Variants in DLG2 observed in about 807,000 individuals in gnomAD.
The protein encoded by DLG2 is disks large homolog 2.
DLG2 carries 45 observed loss-of-function variants against 132.5 expected under a neutral mutation model. The observed-to-expected ratio is 0.34, with a 90% confidence interval of 0.27 to 0.44. The LOEUF (loss-of-function observed/expected upper bound fraction) is 0.44. Among genes scored for constraint, DLG2 ranks in the 20% least tolerant of loss-of-function variants. DLG2 has a pLI of 1.00. For synonymous variants in DLG2, 424 were observed against 419.6 expected, an observed-to-expected ratio of 1.01 and a Z score of -0.13; for missense variants, 1,045 against 1,196.9, an observed-to-expected ratio of 0.87 and a Z score of 1.87.
chr11:83,924,121 A>G (rs1043521624), intron 15 of DLG2, among the ~76,000 whole-genome samples: 2 of 152,086 alleles, frequency 1.3e-5, no homozygotes, highest in African/African-American at 4.8e-5. Flanking sequence ...TGATAAGCTC[A>G]GTGTCTTCAT....
chr11:85,119,032 T>A (rs979781134), intron 5 of DLG2, among the ~76,000 whole-genome samples: 8 of 151,866 alleles, frequency 5.3e-5, no homozygotes, highest in African/African-American at 1.9e-4. Context: ...CTCCTCTGAG[T>A]CTATATTCTT....
chr11:85,398,548 GA>G (rs1184314298), intron 3 of DLG2, among the ~76,000 whole-genome samples: 4 of 151,860 alleles, frequency 2.6e-5, no homozygotes, highest in African/African-American at 9.7e-5. Flanking sequence ...TAATAAAGAA[GA>G]AAAGAGAAAA....
intron 17 of DLG2, among the ~76,000 whole-genome samples, chr11:83,804,579 G>GACATACACACACACACAC (rs2045409005): frequency 7.0e-6 from 1 of 142,030 alleles, no homozygotes; most frequent in Non-Finnish European, 1.5e-5. Context: ...CCTAGCAGAA[G>GACATACACACACACACAC]ACACACACAC....
chr11:85,447,063 G>A (rs996768228), intron 3 of DLG2, among the ~76,000 whole-genome samples: 1 of 151,990 alleles, frequency 6.6e-6, no homozygotes, highest in African/African-American at 2.4e-5. Context: ...ATCATAAATA[G>A]AACCATTATA....
chr11:85,065,396 C>T (rs2064758259), intron 6 of DLG2, among the ~76,000 whole-genome samples: 1 of 151,280 alleles, frequency 6.6e-6, no homozygotes, highest in Non-Finnish European at 1.5e-5. Context: ...CACTAGAAAC[C>T]CACAGGCATG....
chr11:83,993,460 C>A (rs2093838053), intron 11 of DLG2, among the ~76,000 whole-genome samples: 1 of 152,032 alleles, frequency 6.6e-6, no homozygotes, highest in South Asian at 2.1e-4. Context: ...CAGTCTCTTC[C>A]CTAAACGAAC....
chr11:83,636,515 C>A (rs2064888015), intron 18 of DLG2, among the ~76,000 whole-genome samples: 1 of 152,108 alleles, frequency 6.6e-6, no homozygotes, highest in African/African-American at 2.4e-5. Flanking sequence ...ACTAAATATT[C>A]TAATTCCAAG....
chr11:84,642,031 CACAT>C (rs762257107), intron 6 of DLG2, among the ~76,000 whole-genome samples: 10 of 142,222 alleles, frequency 7.0e-5, no homozygotes, highest in African/African-American at 1.4e-4. Flanking sequence ...CACACACACA[CACAT>C]GCATACGTAT....
intron 9 of DLG2, among the ~76,000 whole-genome samples, chr11:84,143,104 G>C (rs1225455126): frequency 6.6e-6 from 1 of 152,152 alleles, no homozygotes; most frequent in African/African-American, 2.4e-5. Context: ...TAGAATTTCA[G>C]TTTCAACGTT....
At chr11:85,212,615 T>C (rs115549483) in intron 4 of DLG2, among the ~76,000 whole-genome samples, 1 of 151,976 alleles carries the variant, frequency 6.6e-6, no homozygotes, top group African/African-American at 2.4e-5. Context: ...CCTACAAGAG[T>C]AACAAAAACT....
At chr11:84,510,456 G>C (rs2099254128) in intron 7 of DLG2, among the ~76,000 whole-genome samples, 1 of 152,030 alleles carries the variant, frequency 6.6e-6, no homozygotes, top group Non-Finnish European at 1.5e-5. Context: ...ACACTAAATA[G>C]ATATAAGAAC....
At chr11:84,736,426 C>T (rs1456218749) in intron 6 of DLG2, among the ~76,000 whole-genome samples, 2 of 151,690 alleles carry the variant, frequency 1.3e-5, no homozygotes, top group Non-Finnish European at 2.9e-5. Context: ...AAAATTTCAA[C>T]TGGAATTTTG....
intron 4 of DLG2, among the ~76,000 whole-genome samples, chr11:85,277,624 T>C (rs1475737739): frequency 6.6e-6 from 1 of 152,026 alleles, no homozygotes; most frequent in Admixed American, 6.6e-5. Context: ...ACCAGCTCTG[T>C]GAGTTACTCA....
intron 16 of DLG2, among the ~76,000 whole-genome samples, chr11:83,841,195 T>C (rs1302778244): frequency 6.6e-6 from 1 of 152,238 alleles, no homozygotes; most frequent in Non-Finnish European, 1.5e-5. Context: ...TACCTAATAC[T>C]CATAGAACAG....
chr11:85,031,010 A>G (rs1281365929), intron 6 of DLG2, among the ~76,000 whole-genome samples: 1 of 151,994 alleles, frequency 6.6e-6, no homozygotes, highest in Non-Finnish European at 1.5e-5. Context: ...TTACATGAGT[A>G]TATCGCATAA....
chr11:84,911,623 C>T (rs1434475900), intron 6 of DLG2, among the ~76,000 whole-genome samples: 1 of 152,118 alleles, frequency 6.6e-6, no homozygotes, highest in Non-Finnish European at 1.5e-5. Flanking sequence ...AATTCCTTGA[C>T]ATCCAAACAC....
At chr11:83,576,285 T>A (rs2096872488) in intron 19 of DLG2, among the ~76,000 whole-genome samples, 1 of 152,096 alleles carries the variant, frequency 6.6e-6, no homozygotes, top group Non-Finnish European at 1.5e-5. Context: ...TGAGACACCC[T>A]CAAGTAGACT....
At position 84,371,817 on chromosome 11, in the gene DLG2, T is replaced by A. The variant is rs536211756; in HGVS notation, c.520-120526A>T. Among the ~76,000 whole-genome samples, 12 of 152,276 alleles carry A rather than the reference T, an allele frequency of 7.9e-5. No homozygotes were observed. The East Asian group carries it at 2.3e-3, about 29-fold the overall frequency. Reference sequence around the variant, plus strand: ...TTTAAATTTCTATGAGAAAATAATATCTCCTGCATGGTATATAAGGAAGAT... The same window carrying A: ...TTTAAATTTCTATGAGAAAATAATAACTCCTGCATGGTATATAAGGAAGAT... On this transcript the variant is annotated intron_variant, in intron 7 of 27. Transcript: ENST00000376104.
At chr11:83,823,128 T>C (rs984018035) in intron 17 of DLG2, among the ~76,000 whole-genome samples, 3 of 151,952 alleles carry the variant, frequency 2.0e-5, no homozygotes, top group Non-Finnish European at 2.9e-5. Context: ...ATAAAATAGG[T>C]TATTCTGAGG....
Sources: allele counts gnomAD v4.1 joint callset (sites outside exome capture counted in the v4.1 genomes callset), GRCh38; gene constraint gnomAD v4.1.1; transcripts MANE v1.5; gene names NCBI Gene and HGNC (gene_info 2026-07-23, HGNC 2026-07-21).